The following AP4E1 variants were observed in gnomAD, a reference collection of about 807,000 sequenced individuals.
The protein encoded by AP4E1 is adaptor related protein complex 4 subunit epsilon 1.
In AP4E1, 56 loss-of-function variants were observed where a neutral mutation model predicts 128.2. That is an observed-to-expected ratio of 0.44 (90% CI 0.35 to 0.55). The LOEUF is 0.55. Among genes scored for constraint, AP4E1 ranks in the 20% least tolerant of loss-of-function variants. The pLI, the probability that AP4E1 is intolerant of heterozygous loss-of-function variation, is 0.00. For missense variants in AP4E1, 1,324 were observed against 1,307.7 expected, an observed-to-expected ratio of 1.01 and a Z score of -0.19; for synonymous variants, 484 against 473.1, an observed-to-expected ratio of 1.02 and a Z score of -0.30.
At chr15:50,988,513 C>A (rs2140921706) in intron 16 of AP4E1, among the ~76,000 whole-genome samples, 1 of 152,168 alleles carries the variant, frequency 6.6e-6, no homozygotes, top group African/African-American at 2.4e-5. Context: ...ATGGGTTTCA[C>A]CATGTTGGCC....
Position 50,941,699 on chromosome 15 carries a change from A to T in AP4E1, c.1100A>T (p.Asp367Val), listed in dbSNP as rs772925578. Residue 367 changes from aspartate (D) to valine (V), a missense_variant, in exon 10 of 21, where the codon GAT becomes GTT. By Grantham distance (152) the Asp-to-Val change is radical. Coordinates refer to ENST00000261842, the MANE Select transcript of AP4E1 (RefSeq NM_007347.5). ...LKALTYVIQQ[D>V]PTLALQHQMT... is the part of the protein sequence containing the mutation. Reference sequence around the variant, plus strand: ...GCTCTTACCTATGTTATCCAACAGGATCCTACTCTGGCTCTTCAACACCAG... The same window carrying T: ...GCTCTTACCTATGTTATCCAACAGGTTCCTACTCTGGCTCTTCAACACCAG... The T allele has an allele frequency of 1.1e-5, 17 of 1,613,626 alleles. No homozygotes were observed. The highest frequency in any genetic ancestry group is 1.4e-5 in the Non-Finnish European group (17 of 1,179,782).
At chr15:50,981,205 A>G (rs752726357) in intron 15 of AP4E1, among the ~76,000 whole-genome samples, 9 of 152,190 alleles carry the variant, frequency 5.9e-5, no homozygotes, top group Non-Finnish European at 8.8e-5. Context: ...CCCCAAAGCC[A>G]TAGGACTTTG....
rs1460365698 is a variant in AP4E1, at chr15:51,001,196, A to G, written c.3253+13A>G. 7.4e-6 allele frequency: 12 copies of G among 1,610,812 alleles called. No individual in the cohort carries two copies. The highest frequency in any genetic ancestry group is 1.6e-4 in the Middle Eastern group (1 of 6,074). On this transcript the variant is annotated intron_variant, in intron 20 of 20. Coordinates refer to ENST00000261842, the MANE Select transcript of AP4E1 (RefSeq NM_007347.5). ...ATTGAGATTATAGGTTTGTAGAGTT[A>G]TAAAAAGGCTATTCTGTGTTTATAG...
At chr15:50,965,765 C>A (rs950955302) in intron 14 of AP4E1, among the ~76,000 whole-genome samples, 1 of 152,138 alleles carries the variant, frequency 6.6e-6, no homozygotes, top group African/African-American at 2.4e-5. Flanking sequence ...TTTTGTCAAT[C>A]TACTTGTTAA....
rs964384877 is a variant in AP4E1 at position 50,946,945 on chromosome 15, C to T, written c.1177-1075C>T. Among the ~76,000 whole-genome samples, 9 of 151,780 alleles carry T rather than the reference C, an allele frequency of 5.9e-5. No homozygotes were observed. The East Asian group carries it at 9.7e-4, about 16-fold the overall frequency. The stretch of plus-strand genomic sequence containing the variant: ...CAGCACTTTGGGAGGCCGAGGTGGG[C>T]GGATCACCTGAGGTCAGGAGTTCGA... On this transcript the variant is annotated intron_variant, in intron 10 of 20. Transcript: ENST00000261842.
intron 6 of AP4E1, among the ~76,000 whole-genome samples, chr15:50,930,098 G>A (rs910108336): frequency 2.7e-5 from 4 of 147,036 alleles, no homozygotes; most frequent in Non-Finnish European, 6.0e-5. Context: ...ATTGAGTTTC[G>A]CTTTTGTTGC....
Position 50,993,710 on chromosome 15 carries a change from G to T in AP4E1, c.2346+85G>T. The stretch of plus-strand genomic sequence containing the variant: ...GGCTCTATAAAAGCTCCTGGCTGTC[G>T]TCTATATGTATAGTGAAAAGTGGCT... On this transcript the variant is annotated intron_variant, in intron 17 of 20. Coordinates refer to ENST00000261842, the MANE Select transcript of AP4E1 (RefSeq NM_007347.5). The T allele has an allele frequency of 7.1e-6, 11 of 1,541,604 alleles. No individual in the cohort carries two copies. The South Asian group carries it at 9.1e-5, about 13-fold the overall frequency.
At chr15:50,939,756 T>C (rs1166499138) in intron 8 of AP4E1, among the ~76,000 whole-genome samples, 1 of 152,154 alleles carries the variant, frequency 6.6e-6, no homozygotes, top group African/African-American at 2.4e-5. Context: ...AACAATTTAA[T>C]AGCAAGAGAG....
chr15:50,925,282 G>A, intron 5 of AP4E1, 63 bp downstream of exon 5: 1 of 1,532,642 alleles, frequency 6.5e-7, no homozygotes. Context: ...GTTTATGCTA[G>A]AAAATTTATT....
intron 11 of AP4E1, 74 bp downstream of exon 11, chr15:50,948,233 T>C (rs1393839350): frequency 2.6e-6 from 4 of 1,565,528 alleles, no homozygotes; most frequent in Non-Finnish European, 2.6e-6. Context: ...GGTATAGATA[T>C]GGTCACTTGC....
intron 20 of AP4E1, among the ~76,000 whole-genome samples, chr15:51,002,256 A>G (rs2064972892): frequency 6.6e-6 from 1 of 152,180 alleles, no homozygotes; most frequent in Non-Finnish European, 1.5e-5. Flanking sequence ...CCAGCAATGT[A>G]CCAGGGTTCC....
At chr15:50,950,203 A>C (rs748192247) in intron 13 of AP4E1, 34 bp downstream of exon 13, 1 of 1,394,272 alleles carries the variant, frequency 7.2e-7, no homozygotes, top group East Asian at 2.3e-5. Flanking sequence ...AAATTTTTAT[A>C]ACATTTTTAA....
At chr15:50,927,914 A>C (rs2063787754) in intron 5 of AP4E1, among the ~76,000 whole-genome samples, 1 of 152,220 alleles carries the variant, frequency 6.6e-6, no homozygotes, top group South Asian at 2.1e-4. Context: ...GAGCACTGCC[A>C]GCATAGTCTG....
intron 14 of AP4E1, among the ~76,000 whole-genome samples, chr15:50,962,986 G>A (rs1467807662): frequency 6.7e-6 from 1 of 148,668 alleles, no homozygotes; most frequent in African/African-American, 2.5e-5. Context: ...TGGCCAACAG[G>A]TAAACAAAAA....
intron 20 of AP4E1, 66 bp from the exon 21 acceptor site, chr15:51,002,436 T>C (rs2064975697): frequency 3.2e-6 from 5 of 1,559,658 alleles, no homozygotes; most frequent in Non-Finnish European, 4.4e-6. Context: ...TTTGTGTATC[T>C]TCTTGGAGAA....
chr15:50,930,895 T>TA lies in AP4E1; in HGVS notation c.794dup (p.Tyr265Ter). Residue 265 changes from tyrosine (Y) to a stop codon, truncating the protein, a stop_gained and frameshift_variant, in exon 7 of 21, where the codon TAC becomes TAAC. Coordinates refer to ENST00000261842, the MANE Select transcript of AP4E1 (RefSeq NM_007347.5). LOFTEE classifies it high-confidence loss of function. ...VGGKLPVEFN[Y>*]HSVPAPWLQI... is the part of the protein sequence containing the mutation. ...AGGAAAGCTCCCAGTAGAATTCAAT[T>TA]ACCACAGTGTGCCAGCACCATGGTT... The TA allele has an allele frequency of 6.2e-7, 1 of 1,614,122 alleles. No homozygotes were observed. Among genetic ancestry groups the TA allele is most frequent in the Non-Finnish European group, 8.5e-7 (1 of 1,179,994 alleles).
chr15:50,990,799 G>T (rs923799162), intron 16 of AP4E1, among the ~76,000 whole-genome samples: 16 of 152,154 alleles, frequency 1.1e-4, no homozygotes, highest in African/African-American at 3.9e-4. Flanking sequence ...AAAATAGTTT[G>T]AGGCTCCTTT....
At position 50,948,112 on chromosome 15, in the gene AP4E1, G is replaced by T. The variant is rs145477211; in HGVS notation, c.1269G>T (p.Glu423Asp). Residue 423 changes from glutamate (E) to aspartate (D), a missense_variant, in exon 11 of 21, where the codon GAG becomes GAT. Physicochemically the swap from Glu to Asp is conservative, Grantham distance 45. Coordinates refer to ENST00000261842, the MANE Select transcript of AP4E1 (RefSeq NM_007347.5). ...AATATTTACATCAGAGCAAAGAAGA[G>T]TATGTCATCGTCAATTTGGTCGGCA... Reference protein sequence around the residue: ...MLEYLHQSKEEYVIVNLVGKI... With the variant: ...MLEYLHQSKEDYVIVNLVGKI... The T allele has an allele frequency of 8.7e-6, 14 of 1,613,846 alleles. No individual in the cohort carries two copies. In the African/African-American group the frequency reaches 1.9e-4, roughly 22 times the overall value.
intron 1 of AP4E1, among the ~76,000 whole-genome samples, chr15:50,910,079 C>T (rs574187476): frequency 1.3e-5 from 2 of 152,274 alleles, no homozygotes; most frequent in Non-Finnish European, 2.9e-5. Context: ...GTCTGCCTCC[C>T]GGGTTCAAGC....
Sources: gnomAD v4.1 joint callset for allele counts (sites outside exome capture counted in the v4.1 genomes callset) on GRCh38, gnomAD v4.1.1 for gene constraint, MANE v1.5 for transcripts, NCBI Gene and HGNC (gene_info 2026-07-23, HGNC 2026-07-21) for gene names.